The following TCHP variants were observed in gnomAD, a reference collection of about 807,000 sequenced individuals.
TCHP encodes trichoplein keratin filament binding.
TCHP carries 81 observed loss-of-function variants against 88.7 expected under a neutral mutation model. The observed-to-expected ratio is 0.91, with a 90% CI of 0.76 to 1.10. TCHP has a LOEUF of 1.10. TCHP is among the 50% of genes least tolerant of loss of function. TCHP has a pLI of 0.00. For missense variants in TCHP, 641 were observed against 632.1 expected, an observed-to-expected ratio of 1.01 and a Z score of -0.15; for synonymous variants, 232 against 232.5, an observed-to-expected ratio of 1.00 and a Z score of 0.02.
At chr12:109,906,017 TC>T in intron 4 of TCHP, among the ~76,000 whole-genome samples, 1 of 152,302 alleles carries the variant, frequency 6.6e-6, no homozygotes, top group East Asian at 1.9e-4. Flanking sequence ...ATAAACAGTT[TC>T]CCAAACAAAA....
At chr12:109,909,566 T>C (rs1467060989) in intron 8 of TCHP, among the ~76,000 whole-genome samples, 1 of 152,228 alleles carries the variant, frequency 6.6e-6, no homozygotes, top group African/African-American at 2.4e-5. Flanking sequence ...CCGCCTATAA[T>C]CCCAGCACTT....
At chr12:109,884,306 A>G in the TCHP span, among the ~76,000 whole-genome samples, 2 of 151,878 alleles carry the variant, frequency 1.3e-5, no homozygotes, top group Admixed American at 6.6e-5. Context: ...CTCCTGCCTC[A>G]GCCTCCCGAG....
upstream of TCHP, among the ~76,000 whole-genome samples, chr12:109,898,190 T>C (rs536519837): frequency 3.9e-4 from 59 of 152,250 alleles, no homozygotes; most frequent in African/African-American, 1.3e-3. Context: ...CGGGCAACCC[T>C]AGAAAGCTGC....
chr12:109,887,026 C>T, the TCHP span, among the ~76,000 whole-genome samples: 2 of 152,262 alleles, frequency 1.3e-5, no homozygotes, highest in South Asian at 2.1e-4. Flanking sequence ...TTATTGTTAT[C>T]GGGGTGTCCC....
At chr12:109,894,933 AG>A in the TCHP span, among the ~76,000 whole-genome samples, 1 of 145,876 alleles carries the variant, frequency 6.9e-6, no homozygotes, top group Admixed American at 6.9e-5. Flanking sequence ...CCATCCAGGC[AG>A]GGGGTGGGGT....
Position 109,903,869 on chromosome 12 carries a change from A to C in TCHP, c.189-68A>C. The C allele has an allele frequency of 7.5e-7, 1 of 1,331,558 alleles. No individual in the cohort carries two copies. The highest frequency in any genetic ancestry group is 1.3e-5 in the South Asian group (1 of 79,366). 82.5% of individuals were successfully genotyped at this position (1,331,558 alleles called of 1,614,324 possible). ...ATCTACCTCAGCCTCTTTTACCGAC[A>C]CAGCAGAGCAGAGCACGTTCCCTGT... On this transcript the variant is annotated intron_variant, in intron 2 of 12. Coordinates refer to ENST00000405876, the MANE Select transcript of TCHP (RefSeq NM_001143852.2). The surrounding 1 kb of genome is among the most constrained non-coding windows in gnomAD (Gnocchi z 4.6).
the TCHP span, among the ~76,000 whole-genome samples, chr12:109,883,642 G>A: frequency 2.0e-5 from 3 of 151,904 alleles, no homozygotes; most frequent in African/African-American, 4.8e-5. Context: ...CCTGTCAGAC[G>A]CCTCTATCAA....
the TCHP span, among the ~76,000 whole-genome samples, chr12:109,885,478 GTTTTTTTTT>G: frequency 3.4e-5 from 4 of 118,170 alleles, no homozygotes; most frequent in African/African-American, 1.3e-4. Flanking sequence ...AAATCTGATG[GTTTTTTTTT>G]TTTTTTTTTT....
chr12:109,905,022 C>T lies in TCHP; in HGVS notation c.456+229C>T. The T allele has an allele frequency of 1.8e-6, 1 of 541,810 alleles. No homozygotes were observed. The highest frequency in any genetic ancestry group is 2.2e-5 in the South Asian group (1 of 45,890). 33.6% of individuals were successfully genotyped at this position (541,810 alleles called of 1,614,324 possible). A position where few individuals can be genotyped will look rare whatever the true frequency, so the allele number is the denominator to read the frequency against. On this transcript the variant is annotated intron_variant, in intron 4 of 12. Coordinates refer to ENST00000405876, the MANE Select transcript of TCHP (RefSeq NM_001143852.2). This position sits in a 1 kb window ranked among gnomAD's most constrained non-coding sequence, Gnocchi z 4.0. ...CGCTGCCTGGTCTGCCAGGTGCGGG[C>T]ATGGAGATTAGACATGGTTTCTGCT...
In TCHP at chr12:109,903,147, T is replaced by C; in HGVS notation, c.121T>C (p.Phe41Leu). 6.2e-7 allele frequency: 1 copy of C among 1,614,030 alleles called. No individual in the cohort carries two copies. Among genetic ancestry groups the C allele is most frequent in the Non-Finnish European group, 8.5e-7 (1 of 1,179,910 alleles). ...RQQWEQNSRY[F>L]RMSDICSSKQ... Reference sequence around the variant, plus strand: ...GCAGTGGGAGCAGAACAGCCGTTACTTCAGGATGTCTGACATCTGCAGCTC... The same window carrying C: ...GCAGTGGGAGCAGAACAGCCGTTACCTCAGGATGTCTGACATCTGCAGCTC... The change falls in exon 2 of 13, where the codon TTC becomes CTC. Residue 41 changes from phenylalanine to leucine, a missense_variant. Transcript: ENST00000405876. This position sits in a 1 kb window ranked among gnomAD's most constrained non-coding sequence, Gnocchi z 4.6.
chr12:109,910,960 A>G (rs1343099845), intron 8 of TCHP, 103 bp from the exon 9 acceptor site: 94 of 1,399,732 alleles, frequency 6.7e-5, no homozygotes, highest in South Asian at 1.6e-4. Flanking sequence ...TAGAATCACG[A>G]ATGTCTATGT....
intron 8 of TCHP, 64 bp from the exon 9 acceptor site, chr12:109,910,999 G>A: frequency 6.9e-7 from 1 of 1,441,526 alleles, no homozygotes; most frequent in Middle Eastern, 1.8e-4. Context: ...AGGCCCCTCT[G>A]TAGGCTCTCA....
At chr12:109,902,245 G>A (rs989449800) in intron 1 of TCHP, among the ~76,000 whole-genome samples, 8 of 151,872 alleles carry the variant, frequency 5.3e-5, no homozygotes, top group Non-Finnish European at 7.4e-5. Context: ...ATCATGGCTC[G>A]CTACAGCCGT....
the TCHP span, among the ~76,000 whole-genome samples, chr12:109,887,408 T>TAA: frequency 8.6e-6 from 1 of 116,392 alleles, no homozygotes; most frequent in African/African-American, 4.2e-5. Context: ...AGGCTCTGTC[T>TAA]CAAAAAAAAA....
chr12:109,903,306 GC>G lies in TCHP; in HGVS notation c.188+94del. The G allele has an allele frequency of 7.9e-7, 1 of 1,259,820 alleles. No individual in the cohort carries two copies. Among genetic ancestry groups the G allele is most frequent in the East Asian group, 2.5e-5 (1 of 40,512 alleles). The allele number at this position is 1,259,820 out of a possible 1,614,324, so 78.0% of individuals were successfully genotyped here. On this transcript the variant is annotated intron_variant, in intron 2 of 12. Transcript: ENST00000405876. This position sits in a 1 kb window ranked among gnomAD's most constrained non-coding sequence, Gnocchi z 4.6. ...TAAGGATTTAGGGAGCGTAGGATTT[GC>G]CAGGCAGTATGAATTACCTGCATGG...
chr12:109,897,134 C>T (rs1041985852), upstream of TCHP, among the ~76,000 whole-genome samples: 2 of 152,132 alleles, frequency 1.3e-5, no homozygotes, highest in African/African-American at 2.4e-5. Flanking sequence ...GCCACCTTTT[C>T]GAGGCTTAGT....
At chr12:109,913,984 G>A (rs1555218324) in intron 10 of TCHP, among the ~76,000 whole-genome samples, 1 of 152,142 alleles carries the variant, frequency 6.6e-6, no homozygotes, top group Non-Finnish European at 1.5e-5. Context: ...ATGTCACACG[G>A]CTCTGGGGCC....
chr12:109,901,313 T>TACCTTGTTTTTACTA (rs1346307831), intron 1 of TCHP, among the ~76,000 whole-genome samples: 2 of 152,262 alleles, frequency 1.3e-5, no homozygotes, highest in African/African-American at 2.4e-5. Context: ...TTTAATGCCT[T>TACCTTGTTTTTACTA]ACCTTGTTTT....
Position 109,904,042 on chromosome 12 carries a change from G to C in TCHP, c.294G>C (p.Leu98=). 1 of 1,607,532 alleles carries C rather than the reference G, an allele frequency of 6.2e-7. No individual in the cohort carries two copies. Among genetic ancestry groups the C allele is most frequent in the South Asian group, 1.1e-5 (1 of 89,736 alleles). The change falls in exon 3 of 13, where the codon CTG becomes CTC. Residue 98 remains leucine (L), a synonymous_variant. Coordinates refer to ENST00000405876, the MANE Select transcript of TCHP (RefSeq NM_001143852.2). The stretch of plus-strand genomic sequence containing the variant: ...TCATGCAGGAGGAGCAGGACCTGCT[G>C]GCCAGAGAACTGGAGGAGCTGAGGC... The part of the protein sequence containing the change: ...RQLMQEEQDL[L]ARELEELRLS...
Sources: allele counts gnomAD v4.1 joint callset (sites outside exome capture counted in the v4.1 genomes callset), GRCh38; gene constraint gnomAD v4.1.1; non-coding constraint Gnocchi (gnomAD v3.1); transcripts MANE v1.5; gene names NCBI Gene and HGNC (gene_info 2026-07-23, HGNC 2026-07-21).